PTPN4: variants seen among roughly 807,000 people sequenced by gnomAD.
The protein encoded by PTPN4 is protein tyrosine phosphatase non-receptor type 4, also known as tyrosine-protein phosphatase non-receptor type 4.
PTPN4 carries 49 observed loss-of-function variants against 135.5 expected under a neutral mutation model. The ratio of observed to expected loss-of-function variants is 0.36; its 90% CI spans 0.29 to 0.46. The LOEUF is 0.46. Among genes scored for constraint, PTPN4 ranks in the 20% least tolerant of loss-of-function variants. The pLI is 1.00. For synonymous variants in PTPN4, 333 were observed against 369.9 expected, an observed-to-expected ratio of 0.90 and a Z score of 1.14; for missense variants, 860 against 1,101.0, an observed-to-expected ratio of 0.78 and a Z score of 3.10.
intron 1 of PTPN4, among the ~76,000 whole-genome samples, chr2:119,764,323 C>T (rs865775257): frequency 6.6e-6 from 1 of 152,162 alleles, no homozygotes; most frequent in Non-Finnish European, 1.5e-5. Context: ...TATAGGAGTT[C>T]CCCGGTGCTT....
In PTPN4 at chr2:119,801,863, ATTTC is replaced by A. The variant is rs540882748; in HGVS notation, c.-17-7966_-17-7963del. Among the ~76,000 whole-genome samples, 999 of 109,026 alleles carry A rather than the reference ATTTC, an allele frequency of 9.2e-3. 11 individuals are homozygous for A. The highest frequency in any genetic ancestry group is 0.032 in the African/African-American group (939 of 29,494). 71.5% of individuals were successfully genotyped at this position (109,026 alleles called of 152,430 possible). On this transcript the variant is annotated intron_variant, in intron 1 of 26. Coordinates refer to ENST00000263708, the MANE Select transcript of PTPN4 (RefSeq NM_002830.4). Reference sequence around the variant, plus strand: ...AATGTTTAATTTATTCCTGTATGCTATTTCTTTCTTTTTCTGTTTTTTCTTTCTT... The same window carrying A: ...AATGTTTAATTTATTCCTGTATGCTATTTCTTTTTCTGTTTTTTCTTTCTT...
chr2:119,931,433 C>CTTTTTTTTTT (rs1158907026), intron 13 of PTPN4, among the ~76,000 whole-genome samples: 15 of 83,354 alleles, frequency 1.8e-4, no homozygotes, highest in African/African-American at 2.5e-4. Context: ...TTCTTTCTTT[C>CTTTTTTTTTT]TTTTTTTTTT....
chr2:119,818,924 C>T (rs1190083776), intron 2 of PTPN4, among the ~76,000 whole-genome samples: 4 of 152,166 alleles, frequency 2.6e-5, no homozygotes, highest in African/African-American at 9.7e-5. Flanking sequence ...ACTGCACAAC[C>T]TCTGAAATCT....
chr2:119,866,918 C>T (rs766018977), intron 3 of PTPN4, among the ~76,000 whole-genome samples: 1 of 151,970 alleles, frequency 6.6e-6, no homozygotes, highest in South Asian at 2.1e-4. Flanking sequence ...TCTTTGGTAG[C>T]CTGCTAAATG....
intron 1 of PTPN4, among the ~76,000 whole-genome samples, chr2:119,798,868 G>A (rs1051485329): frequency 6.6e-6 from 1 of 152,158 alleles, no homozygotes; most frequent in Non-Finnish European, 1.5e-5. Flanking sequence ...ATTCACAGCC[G>A]TAACTAGTGG....
intron 22 of PTPN4, among the ~76,000 whole-genome samples, chr2:119,957,636 A>C (rs868398048): frequency 1.3e-5 from 2 of 152,130 alleles, no homozygotes; most frequent in African/African-American, 4.8e-5. Flanking sequence ...ACCTGGAAAA[A>C]AAAATTACTA....
intron 15 of PTPN4, among the ~76,000 whole-genome samples, chr2:119,943,506 G>A (rs993981273): frequency 6.7e-6 from 1 of 148,328 alleles, no homozygotes; most frequent in Admixed American, 6.8e-5. Context: ...AGCATTCCCT[G>A]TTTGGGACAT....
Position 119,827,107 on chromosome 2 carries a change from G to C in PTPN4, c.138+17116G>C, listed in dbSNP as rs529183525. The stretch of plus-strand genomic sequence containing the variant: ...TCAGAAAGTTGAGTCAAGTGATTTT[G>C]TTTTGTCTGTAGCCGTACCCCTATA... On this transcript the variant is annotated intron_variant, in intron 2 of 26. Coordinates refer to ENST00000263708, the MANE Select transcript of PTPN4 (RefSeq NM_002830.4). Among the ~76,000 whole-genome samples the C allele has an allele frequency of 2.0e-4, 30 of 152,256 alleles. 1 individual carries two copies. In the South Asian group the frequency reaches 6.0e-3, roughly 31 times the overall value.
rs531634512 is a variant in PTPN4 at position 119,977,250 on chromosome 2, A to G, written c.*180A>G. ...AAAAAATGTCACTCTTTCAAAATCT[A>G]TAACTCATGTATTTGAAGACTGTTT... On this transcript the variant is annotated 3_prime_UTR_variant, in exon 27 of 27. Coordinates refer to ENST00000263708, the MANE Select transcript of PTPN4 (RefSeq NM_002830.4). 235 of 1,007,590 alleles carry G rather than the reference A, an allele frequency of 2.3e-4. 1 individual carries two copies. Among genetic ancestry groups the G allele is most frequent in the Non-Finnish European group, 2.7e-4 (208 of 762,924 alleles). The allele number at this position is 1,007,590 out of a possible 1,614,324, so 62.4% of individuals were successfully genotyped here. A position where few individuals can be genotyped will look rare whatever the true frequency, so the allele number is the denominator to read the frequency against.
At chr2:119,775,287 A>G (rs759412243) in intron 1 of PTPN4, among the ~76,000 whole-genome samples, 16 of 152,100 alleles carry the variant, frequency 1.1e-4, no homozygotes, top group Non-Finnish European at 2.2e-4. Flanking sequence ...GGGATAAGGT[A>G]AATACCAGCT....
intron 1 of PTPN4, among the ~76,000 whole-genome samples, chr2:119,772,392 A>G (rs1690751597): frequency 6.6e-6 from 1 of 152,208 alleles, no homozygotes; most frequent in African/African-American, 2.4e-5. Context: ...TGTTATATGC[A>G]ATTCTGAAAT....
intron 2 of PTPN4, among the ~76,000 whole-genome samples, chr2:119,861,222 G>A (rs1259310090): frequency 6.6e-6 from 1 of 151,946 alleles, no homozygotes; most frequent in Non-Finnish European, 1.5e-5. Flanking sequence ...ACCCATTTGT[G>A]GTAATTAATC....
intron 26 of PTPN4, among the ~76,000 whole-genome samples, chr2:119,972,610 A>G (rs1022025777): frequency 6.6e-6 from 1 of 152,080 alleles, no homozygotes; most frequent in Non-Finnish European, 1.5e-5. Flanking sequence ...AATAGAAGTG[A>G]TGAGACCAGA....
chr2:119,809,069 C>A (rs2104947815), intron 1 of PTPN4, among the ~76,000 whole-genome samples: 1 of 152,046 alleles, frequency 6.6e-6, no homozygotes, highest in Non-Finnish European at 1.5e-5. Context: ...TCCTTAAATG[C>A]CTGAGTGTTT....
rs1690448552 is a variant in PTPN4, at chr2:119,760,031, G to A, written c.-371G>A. 3 of 382,692 alleles carry A rather than the reference G, an allele frequency of 7.8e-6. No individual in the cohort carries two copies. Among genetic ancestry groups the A allele is most frequent in the Admixed American group, 4.5e-5 (1 of 22,148 alleles). 23.7% of individuals were successfully genotyped at this position (382,692 alleles called of 1,614,324 possible). A position where few individuals can be genotyped will look rare whatever the true frequency, so the allele number is the denominator to read the frequency against. On this transcript the variant is annotated 5_prime_UTR_variant, in exon 1 of 27. Transcript: ENST00000263708. ...GGTCCCAGGGGCCGGAATTGGGCCT[G>A]AGCGGGAGAGGAAAGAGACTTGGCT...
intron 2 of PTPN4, among the ~76,000 whole-genome samples, chr2:119,817,369 T>C (rs1170365296): frequency 6.6e-6 from 1 of 151,816 alleles, no homozygotes; most frequent in South Asian, 2.1e-4. Context: ...CTGGGATATA[T>C]GTGCCCAACT....
In PTPN4 at chr2:119,896,990, G is replaced by A. The variant is rs2968771; in HGVS notation, c.676-3728G>A. On this transcript the variant is annotated intron_variant, in intron 9 of 26. Coordinates refer to ENST00000263708, the MANE Select transcript of PTPN4 (RefSeq NM_002830.4). ...GGCTGAAGTATAGTGGTGCAGTCTC[G>A]GCTCACTGCAACCTTCGCCTCCTGG... 5.0e-3 allele frequency among the ~76,000 whole-genome samples: 759 copies of A among 152,140 alleles called. 4 individuals carry two copies. Among genetic ancestry groups the A allele is most frequent in the African/African-American group, 0.017 (724 of 41,510 alleles).
Position 119,934,839 on chromosome 2 carries a change from A to G in PTPN4, c.1236A>G (p.Arg412=). 6.2e-7 allele frequency: 1 copy of G among 1,614,012 alleles called. No individual in the cohort carries two copies. The highest frequency in any genetic ancestry group is 8.5e-7 in the Non-Finnish European group (1 of 1,179,932). The stretch of plus-strand genomic sequence containing the variant: ...TCACGCAGGAAGGAACCCGGTTACG[A>G]CCATCTTCAGTTGGTCATTTGGTAG... The part of the protein sequence containing the change: ...STFTQEGTRL[R]PSSVGHLVDH... Residue 412 remains arginine (R), a synonymous_variant, in exon 15 of 27, where the codon CGA becomes CGG. Transcript: ENST00000263708.
At chr2:119,818,249 T>A (rs1677016975) in intron 2 of PTPN4, among the ~76,000 whole-genome samples, 1 of 150,272 alleles carries the variant, frequency 6.7e-6, no homozygotes, top group Non-Finnish European at 1.5e-5. Flanking sequence ...TATATTTACA[T>A]CACCCCTAAA....
Sources: gnomAD v4.1 joint callset for allele counts (sites outside exome capture counted in the v4.1 genomes callset) on GRCh38, gnomAD v4.1.1 for gene constraint, MANE v1.5 for transcripts, NCBI Gene and HGNC (gene_info 2026-07-23, HGNC 2026-07-21) for gene names.